The following YTHDC2 variants were observed in gnomAD, a reference collection of about 807,000 sequenced individuals.
YTHDC2 encodes the protein YTH N6-methyladenosine RNA binding protein C2.
A neutral mutation model predicts 174.9 loss-of-function variants in YTHDC2; 45 were observed. That is an observed-to-expected ratio of 0.26 (90% CI 0.20 to 0.33). The LOEUF is 0.33. Ranked by LOEUF, YTHDC2 falls within the 10% of genes least tolerant of loss-of-function variation. The pLI, the probability that YTHDC2 is intolerant of heterozygous loss-of-function variation, is 1.00. For missense variants in YTHDC2, 1,650 were observed against 1,723.7 expected (o/e 0.96, Z 0.76); for synonymous variants, 657 against 574.5 (o/e 1.14, Z -2.05).
At chr5:113,535,902 C>T (rs75788587) in intron 7 of YTHDC2, 104 bp downstream of exon 7, 15,372 of 942,324 alleles carry the variant, frequency 0.016, 170 homozygotes, top group Non-Finnish European at 0.02. Context: ...TAGAGGCCAT[C>T]TATTACCGTT....
chr5:113,575,499 A>G (rs1036245672), intron 23 of YTHDC2, among the ~76,000 whole-genome samples: 9 of 152,204 alleles, frequency 5.9e-5, no homozygotes, highest in South Asian at 2.1e-4. Context: ...ACTGAGACCT[A>G]CAATATGAGA....
chr5:113,522,867 T>C (rs550955874), intron 2 of YTHDC2, among the ~76,000 whole-genome samples: 11 of 152,242 alleles, frequency 7.2e-5, no homozygotes, highest in African/African-American at 1.9e-4. Context: ...TACTAAAACA[T>C]AAAAATGATC....
At chr5:113,556,735 T>G (rs554593231) in intron 17 of YTHDC2, among the ~76,000 whole-genome samples, 4 of 152,336 alleles carry the variant, frequency 2.6e-5, no homozygotes, top group African/African-American at 7.2e-5. Flanking sequence ...CAGAGTGCAA[T>G]TTGAAACTAT....
At chr5:113,566,501 T>C (rs1452028374) in intron 21 of YTHDC2, among the ~76,000 whole-genome samples, 1 of 149,292 alleles carries the variant, frequency 6.7e-6, no homozygotes, top group Non-Finnish European at 1.5e-5. Context: ...CCTTTTAGAA[T>C]TGCCTTTTTG....
chr5:113,561,291 A>T lies in YTHDC2; in HGVS notation c.2322+106A>T, dbSNP rs1261598835. On this transcript the variant is annotated intron_variant, in intron 18 of 29. Coordinates refer to ENST00000161863, the MANE Select transcript of YTHDC2 (RefSeq NM_022828.5). ...TTTAAAAAATCAATTTGTAAAACAA[A>T]ATTATTCAATATATATTATGGAGGG... 3.9e-6 allele frequency: 3 copies of T among 772,992 alleles called. No homozygotes were observed. In the African/African-American group the frequency reaches 5.3e-5, roughly 14 times the overall value. The allele number at this position is 772,992 out of a possible 1,614,324, so 47.9% of individuals were successfully genotyped here.
chr5:113,578,846 C>G (rs547195877), intron 23 of YTHDC2, among the ~76,000 whole-genome samples: 1 of 152,224 alleles, frequency 6.6e-6, no homozygotes, highest in Admixed American at 6.5e-5. Flanking sequence ...TCTAGTTCCT[C>G]TACTTTCAGT....
At chr5:113,535,193 G>A (rs1341589068) in intron 6 of YTHDC2, among the ~76,000 whole-genome samples, 1 of 152,102 alleles carries the variant, frequency 6.6e-6, no homozygotes, top group African/African-American at 2.4e-5. Flanking sequence ...AATATTGTGT[G>A]TCTGTTGAAC....
chr5:113,532,053 C>A (rs1290826133), intron 4 of YTHDC2, among the ~76,000 whole-genome samples: 1 of 152,124 alleles, frequency 6.6e-6, no homozygotes, highest in South Asian at 2.1e-4. Context: ...TATCAAGCAA[C>A]AACATCAATA....
intron 18 of YTHDC2, among the ~76,000 whole-genome samples, chr5:113,561,473 A>ATATATATATATATT (rs56886888): frequency 7.2e-6 from 1 of 138,522 alleles, no homozygotes; most frequent in African/African-American, 2.7e-5. Flanking sequence ...ATCTATCTAT[A>ATATATATATATATT]TTTTTTTTTT....
At chr5:113,519,613 C>A (rs1443755941) in intron 2 of YTHDC2, among the ~76,000 whole-genome samples, 1 of 152,192 alleles carries the variant, frequency 6.6e-6, no homozygotes, top group African/African-American at 2.4e-5. Context: ...TACCAAAGTA[C>A]AGTTCTGGAG....
At chr5:113,534,131 C>G (rs1362257640) in intron 5 of YTHDC2, among the ~76,000 whole-genome samples, 174 bp from the exon 6 acceptor site, 5 of 152,208 alleles carry the variant, frequency 3.3e-5, no homozygotes, top group Admixed American at 2.6e-4. Flanking sequence ...AGGCTATTGT[C>G]AGGCAGTCTC....
At chr5:113,521,192 G>T (rs1014309342) in intron 2 of YTHDC2, among the ~76,000 whole-genome samples, 15 of 152,176 alleles carry the variant, frequency 9.9e-5, no homozygotes, top group African/African-American at 3.6e-4. Context: ...TTATAAGGCA[G>T]AGTCTATTTT....
chr5:113,530,595 A>C (rs1364507587), intron 4 of YTHDC2, among the ~76,000 whole-genome samples: 1 of 152,162 alleles, frequency 6.6e-6, no homozygotes. Context: ...CATTCATTTC[A>C]CTTATATGTA....
intron 24 of YTHDC2, chr5:113,579,958 A>C (rs1183100721): frequency 5.1e-6 from 5 of 979,054 alleles, no homozygotes; most frequent in Non-Finnish European, 6.1e-6. Context: ...TAATTTATAA[A>C]GAACAGAAAT....
chr5:113,523,176 A>G (rs994139664), intron 2 of YTHDC2, among the ~76,000 whole-genome samples: 5 of 152,178 alleles, frequency 3.3e-5, no homozygotes, highest in African/African-American at 9.6e-5. Context: ...ATAAAATACA[A>G]TTAAAGGTGA....
intron 4 of YTHDC2, among the ~76,000 whole-genome samples, chr5:113,527,571 C>A (rs576008231): frequency 6.6e-6 from 1 of 152,074 alleles, no homozygotes; most frequent in African/African-American, 2.4e-5. Flanking sequence ...CCTAAAATTT[C>A]CTGTGATTAT....
intron 4 of YTHDC2, among the ~76,000 whole-genome samples, chr5:113,532,060 A>G (rs1028892536): frequency 1.3e-5 from 2 of 152,232 alleles, no homozygotes; most frequent in African/African-American, 4.8e-5. Flanking sequence ...CAACAACATC[A>G]ATAACAAACC....
At chr5:113,589,139 A>C (rs1033384766) in intron 26 of YTHDC2, among the ~76,000 whole-genome samples, 1 of 151,740 alleles carries the variant, frequency 6.6e-6, no homozygotes, top group South Asian at 2.1e-4. Flanking sequence ...ATTTTGTATT[A>C]TTTACTTCTG....
chr5:113,590,704 C>G (rs931301266), intron 26 of YTHDC2, among the ~76,000 whole-genome samples: 1 of 152,184 alleles, frequency 6.6e-6, no homozygotes, highest in Non-Finnish European at 1.5e-5. Flanking sequence ...AAAACTGCCT[C>G]CAGGCAGTAA....
Sources: allele counts gnomAD v4.1 joint callset (sites outside exome capture counted in the v4.1 genomes callset), GRCh38; gene constraint gnomAD v4.1.1; transcripts MANE v1.5; gene names NCBI Gene and HGNC (gene_info 2026-07-23, HGNC 2026-07-21).